The following BCAS3 variants were observed in gnomAD, a reference collection of about 807,000 sequenced individuals.
The protein encoded by BCAS3 is BCAS3 microtubule associated cell migration factor, also known as BCAS4/BCAS3 fusion.
A neutral mutation model predicts 116.1 loss-of-function variants in BCAS3; 53 were observed. The ratio of observed to expected loss-of-function variants is 0.46; its 90% CI spans 0.37 to 0.57. The LOEUF is 0.57. Ranked by LOEUF, BCAS3 falls within the 20% of genes least tolerant of loss-of-function variation. BCAS3 has a pLI of 0.00. For missense variants in BCAS3, 917 were observed against 1,165.4 expected, an observed-to-expected ratio of 0.79 and a Z score of 3.10; for synonymous variants, 391 against 408.2, an observed-to-expected ratio of 0.96 and a Z score of 0.51.
At chr17:61,047,450 C>T (rs1024778997) in intron 19 of BCAS3, among the ~76,000 whole-genome samples, 1 of 151,916 alleles carries the variant, frequency 6.6e-6, no homozygotes, top group African/African-American at 2.4e-5. Context: ...CTGTTTAACT[C>T]AGTAAAAGTA....
chr17:60,742,869 T>G (rs1260763119), intron 5 of BCAS3, among the ~76,000 whole-genome samples: 1 of 151,954 alleles, frequency 6.6e-6, no homozygotes, highest in African/African-American at 2.4e-5. Flanking sequence ...ATCCCAGCAC[T>G]TTGGGAGGCC....
intron 19 of BCAS3, among the ~76,000 whole-genome samples, chr17:61,058,499 T>G (rs2069626393): frequency 6.6e-6 from 1 of 152,202 alleles, no homozygotes; most frequent in Admixed American, 6.5e-5. Flanking sequence ...TGTGCTCTTT[T>G]CTAGATGCTA....
chr17:61,192,845 A>G (rs1052504739), intron 22 of BCAS3, among the ~76,000 whole-genome samples: 4 of 152,236 alleles, frequency 2.6e-5, no homozygotes, highest in African/African-American at 9.6e-5. Flanking sequence ...TAATTTACTT[A>G]CATGGAATGA....
intron 6 of BCAS3, among the ~76,000 whole-genome samples, chr17:60,792,110 TAGA>T (rs1568261545): frequency 1.3e-5 from 2 of 152,086 alleles, no homozygotes; most frequent in African/African-American, 4.8e-5. Context: ...GCGACGGAGC[TAGA>T]CTCCATCTCA....
At chr17:60,792,605 T>C (rs72843585) in intron 6 of BCAS3, among the ~76,000 whole-genome samples, 50 of 152,306 alleles carry the variant, frequency 3.3e-4, no homozygotes, top group Non-Finnish European at 6.0e-4. Flanking sequence ...ACTTGGATCA[T>C]GGGGACAGAT....
intron 19 of BCAS3, among the ~76,000 whole-genome samples, chr17:61,074,113 GAA>G (rs917229045): frequency 0.01 from 636 of 61,240 alleles, 7 homozygotes; most frequent in African/African-American, 0.03. Flanking sequence ...TATCTCTTAA[GAA>G]AAAAAAAAAA....
intron 22 of BCAS3, among the ~76,000 whole-genome samples, chr17:61,190,958 C>G (rs2080076097): frequency 6.6e-6 from 1 of 152,122 alleles, no homozygotes; most frequent in African/African-American, 2.4e-5. Flanking sequence ...GTGGTCCCAG[C>G]TACTCAAAAG....
intron 22 of BCAS3, among the ~76,000 whole-genome samples, chr17:61,299,110 A>G (rs113558323): frequency 0.044 from 6,680 of 151,412 alleles, 470 homozygotes; most frequent in African/African-American, 0.15. Context: ...GGCATGAGCC[A>G]CCGTGCCTGG....
Position 60,747,187 on chromosome 17 carries a change from C to T in BCAS3, c.322-11C>T, listed in dbSNP as rs769167546. 3.8e-6 allele frequency: 6 copies of T among 1,589,758 alleles called. No individual in the cohort carries two copies. The African/African-American group carries it at 8.1e-5, about 21-fold the overall frequency. On this transcript the variant is annotated splice_polypyrimidine_tract_variant and intron_variant, in intron 5 of 23. Transcript: ENST00000407086. ...TTCCCACTGAAATATTTTCTTTCTT[C>T]TCTTATGCAGATCAGTGGTGAAGCA...
chr17:61,257,357 G>C (rs960084127), intron 22 of BCAS3, among the ~76,000 whole-genome samples: 3 of 143,304 alleles, frequency 2.1e-5, no homozygotes, highest in African/African-American at 7.8e-5. Flanking sequence ...GGAGGCGGAG[G>C]TTGCAGTGAG....
rs931179259 is a variant in BCAS3, at chr17:61,324,082, C to T, written c.2426-44245C>T. On this transcript the variant is annotated intron_variant, in intron 22 of 23. Coordinates refer to ENST00000407086, the MANE Select transcript of BCAS3 (RefSeq NM_017679.5). This position sits in a 1 kb window ranked among gnomAD's most constrained non-coding sequence, Gnocchi z 4.6. ...TGTGTTCTCAGTGTGCTCTTGTAAC[C>T]CTCTGCTAGATCACTTAGCACATGG... is the stretch of plus-strand genomic sequence containing the variant. Among the ~76,000 whole-genome samples the T allele has an allele frequency of 1.3e-5, 2 of 152,176 alleles. No individual in the cohort carries two copies. Among genetic ancestry groups the T allele is most frequent in the African/African-American group, 2.4e-5 (1 of 41,430 alleles).
At chr17:60,915,465 C>T (rs983403062) in intron 12 of BCAS3, among the ~76,000 whole-genome samples, 23 of 151,982 alleles carry the variant, frequency 1.5e-4, no homozygotes, top group African/African-American at 3.9e-4. Context: ...GTTTCATCAA[C>T]GCATACTTCT....
At position 60,679,179 on chromosome 17, in the gene BCAS3, C is replaced by T. The variant is rs141074981; in HGVS notation, c.-5-274C>T. On this transcript the variant is annotated intron_variant, in intron 1 of 23. Coordinates refer to ENST00000407086, the MANE Select transcript of BCAS3 (RefSeq NM_017679.5). ...GGCGGAGATTGCCATGAGCAGAGAT[C>T]GTGCCACTGAACTCCAGCCTGGGCG... Among the ~76,000 whole-genome samples the T allele has an allele frequency of 6.1e-3, 935 of 152,272 alleles. 7 individuals are homozygous for T. Among genetic ancestry groups the T allele is most frequent in the African/African-American group, 0.021 (882 of 41,546 alleles).
rs547556011 is a variant in BCAS3 at position 61,188,889 on chromosome 17, G to A, written c.2425+104325G>A. Reference sequence around the variant, plus strand: ...ACGTTGGGAGGCTGAGGTGGGAGGAGCCTGGGAGGTTGAGACCAGTCTGAG... The same window carrying A: ...ACGTTGGGAGGCTGAGGTGGGAGGAACCTGGGAGGTTGAGACCAGTCTGAG... On this transcript the variant is annotated intron_variant, in intron 22 of 23. Coordinates refer to ENST00000407086, the MANE Select transcript of BCAS3 (RefSeq NM_017679.5). The surrounding 1 kb of genome is among the most constrained non-coding windows in gnomAD (Gnocchi z 4.0). Among the ~76,000 whole-genome samples, 1 of 152,272 alleles carries A rather than the reference G, an allele frequency of 6.6e-6. No individual in the cohort carries two copies. Among genetic ancestry groups the A allele is most frequent in the East Asian group, 1.9e-4 (1 of 5,186 alleles).
chr17:61,092,975 G>A (rs1237156318), intron 22 of BCAS3, among the ~76,000 whole-genome samples: 7 of 140,672 alleles, frequency 5.0e-5, no homozygotes, highest in African/African-American at 1.1e-4. Flanking sequence ...GCATGATCTC[G>A]GCTCACTGCA....
intron 6 of BCAS3, among the ~76,000 whole-genome samples, chr17:60,762,074 CTTGT>C (rs1476496296): frequency 6.6e-6 from 1 of 151,878 alleles, no homozygotes; most frequent in Non-Finnish European, 1.5e-5. Flanking sequence ...TTCTTGTAAA[CTTGT>C]TTAAGTTCTT....
Position 60,994,356 on chromosome 17 carries a change from TTA to T in BCAS3, c.1486+4125_1486+4126del, listed in dbSNP as rs1325559021. On this transcript the variant is annotated intron_variant, in intron 15 of 23. Coordinates refer to ENST00000407086, the MANE Select transcript of BCAS3 (RefSeq NM_017679.5). This position sits in a 1 kb window ranked among gnomAD's most constrained non-coding sequence, Gnocchi z 4.4. ...TCAGTATAGTTCATTTTCTTTGTAA[TTA>T]TATGTCTTTTTCCCATGGCTTGTAA... Among the ~76,000 whole-genome samples the T allele has an allele frequency of 1.3e-5, 2 of 152,198 alleles. No homozygotes were observed. The highest frequency in any genetic ancestry group is 4.8e-5 in the African/African-American group (2 of 41,554).
intron 13 of BCAS3, 139 bp downstream of exon 13, chr17:60,924,639 T>G (rs1167154872): frequency 1.3e-5 from 7 of 556,944 alleles, no homozygotes; most frequent in Non-Finnish European, 2.1e-5. Context: ...AGTCATTATA[T>G]TGAATAAAGG....
At position 60,956,429 on chromosome 17, in the gene BCAS3, C is replaced by T. The variant is rs1050279455; in HGVS notation, c.1221+9077C>T. Among the ~76,000 whole-genome samples the T allele has an allele frequency of 6.6e-6, 1 of 152,148 alleles. No individual in the cohort carries two copies. Among genetic ancestry groups the T allele is most frequent in the Non-Finnish European group, 1.5e-5 (1 of 68,032 alleles). On this transcript the variant is annotated intron_variant, in intron 14 of 23. Transcript: ENST00000407086. The surrounding 1 kb of genome is among the most constrained non-coding windows in gnomAD (Gnocchi z 4.2). ...TTATTTCTTACCTCTTTTTCAAATC[C>T]CATCCCATCTGTTCTAGTCACTGAG...
Sources: allele counts gnomAD v4.1 joint callset (sites outside exome capture counted in the v4.1 genomes callset), GRCh38; gene constraint gnomAD v4.1.1; non-coding constraint Gnocchi (gnomAD v3.1); transcripts MANE v1.5; gene names NCBI Gene and HGNC (gene_info 2026-07-23, HGNC 2026-07-21).